The following ADCY5 variants were observed in gnomAD, a reference collection of about 807,000 sequenced individuals.
ADCY5 encodes adenylate cyclase 5, also known as adenylate cyclase type 5.
In ADCY5, 30 loss-of-function variants were observed where a neutral mutation model predicts 119.7. The ratio of observed to expected loss-of-function variants is 0.25; its 90% confidence interval spans 0.19 to 0.34. The LOEUF is 0.34. ADCY5 is among the 10% of genes least tolerant of loss of function. The pLI, the probability that ADCY5 is intolerant of heterozygous loss-of-function variation, is 1.00. For synonymous variants in ADCY5, 753 were observed against 762.2 expected, an observed-to-expected ratio of 0.99 and a Z score of 0.20; for missense variants, 1,324 against 1,775.2, an observed-to-expected ratio of 0.75 and a Z score of 4.57.
intron 1 of ADCY5, among the ~76,000 whole-genome samples, chr3:123,435,833 C>A (rs1008049525): frequency 3.3e-5 from 5 of 149,826 alleles, no homozygotes; most frequent in Admixed American, 3.3e-4. Context: ...CCAGCCTGGG[C>A]AACCTGGCAA....
intron 1 of ADCY5, among the ~76,000 whole-genome samples, chr3:123,384,075 T>A (rs1218973729): frequency 6.6e-6 from 1 of 152,136 alleles, no homozygotes; most frequent in East Asian, 1.9e-4. Flanking sequence ...CCCGGGACAG[T>A]AATGACTGCT....
chr3:123,367,455 T>C lies in ADCY5; in HGVS notation c.1135-14874A>G, dbSNP rs562636939. ...GAGGTTTTGTGGGCTAGAAATTTAT[T>C]TATCCTCCAAGTGCAATCAAGTTGC... On this transcript the variant is annotated intron_variant, in intron 1 of 20. Transcript: ENST00000462833. Among the ~76,000 whole-genome samples, 5 of 152,268 alleles carry C rather than the reference T, an allele frequency of 3.3e-5. No individual in the cohort carries two copies. In the South Asian group the frequency reaches 1.0e-3, roughly 32 times the overall value.
intron 11 of ADCY5, among the ~76,000 whole-genome samples, chr3:123,316,441 T>C (rs764056195): frequency 2.0e-5 from 3 of 152,218 alleles, no homozygotes; most frequent in Non-Finnish European, 4.4e-5. Flanking sequence ...GATGAGTTAA[T>C]AGTATCATTT....
At chr3:123,442,245 T>C (rs1425203450) in intron 1 of ADCY5, among the ~76,000 whole-genome samples, 1 of 151,932 alleles carries the variant, frequency 6.6e-6, no homozygotes, top group African/African-American at 2.4e-5. Context: ...ACCACCAAGA[T>C]AAAGTTAACT....
intron 1 of ADCY5, among the ~76,000 whole-genome samples, chr3:123,357,268 T>C (rs1177401311): frequency 1.3e-5 from 2 of 151,926 alleles, no homozygotes; most frequent in South Asian, 2.1e-4. Context: ...AGGAGTCATA[T>C]CCAGGAGACT....
rs1298157961 is a variant in ADCY5 at position 123,368,753 on chromosome 3, A to G, written c.1135-16172T>C. Among the ~76,000 whole-genome samples, 9 of 38,150 alleles carry G rather than the reference A, an allele frequency of 2.4e-4. No individual in the cohort carries two copies. The East Asian group carries it at 3.2e-3, about 14-fold the overall frequency. The allele number at this position is 38,150 out of a possible 152,430, so 25.0% of individuals were successfully genotyped here. Reference sequence around the variant, plus strand: ...GGTGACAGAGCAAGACTGTGTCTCCAAAAAAAAAAAAAAAGGTACATAGGA... The same window carrying G: ...GGTGACAGAGCAAGACTGTGTCTCCGAAAAAAAAAAAAAAGGTACATAGGA... On this transcript the variant is annotated intron_variant, in intron 1 of 20. Transcript: ENST00000462833.
At position 123,297,370 on chromosome 3, in the gene ADCY5, G is replaced by C; in HGVS notation, c.2913C>G (p.Asn971Lys). ...CAACTCACCACTGGGAGGTCCCGTT[G>C]TTGAAGAAGTCTCTGTGAAGAGAGT... ...LVTANAIDFF[N>K]NGTSQCPEHA... Residue 971 changes from asparagine (N) to lysine (K), a missense_variant, in exon 16 of 21, where the codon AAC becomes AAG. This residue lies in a region of ADCY5 where 424 missense variants were observed against 546.8 expected (regional missense o/e 0.78). Coordinates refer to ENST00000462833, the MANE Select transcript of ADCY5 (RefSeq NM_183357.3). The C allele has an allele frequency of 6.2e-7, 1 of 1,614,036 alleles. No individual in the cohort carries two copies. The highest frequency in any genetic ancestry group is 8.5e-7 in the Non-Finnish European group (1 of 1,179,998).
chr3:123,367,721 C>A (rs1943496122), intron 1 of ADCY5, among the ~76,000 whole-genome samples: 1 of 152,144 alleles, frequency 6.6e-6, no homozygotes, highest in Admixed American at 6.5e-5. Flanking sequence ...TGGTTCCCAC[C>A]CTACACAGGT....
chr3:123,370,377 G>C (rs539770389), intron 1 of ADCY5, among the ~76,000 whole-genome samples: 1 of 152,162 alleles, frequency 6.6e-6, no homozygotes, highest in Non-Finnish European at 1.5e-5. Context: ...ACAGTCACTG[G>C]GCACATGGCT....
intron 1 of ADCY5, among the ~76,000 whole-genome samples, chr3:123,372,891 G>A (rs1363200050): frequency 1.3e-5 from 2 of 152,112 alleles, no homozygotes; most frequent in Admixed American, 1.3e-4. Flanking sequence ...TTAAAAGAAG[G>A]CCACAGCTAC....
chr3:123,419,930 C>T (rs969048921), intron 1 of ADCY5, among the ~76,000 whole-genome samples: 2 of 152,030 alleles, frequency 1.3e-5, no homozygotes, highest in African/African-American at 2.4e-5. Flanking sequence ...TGTAGACACC[C>T]CCCCACCCCT....
At chr3:123,406,284 C>G (rs534136190) in intron 1 of ADCY5, among the ~76,000 whole-genome samples, 76 of 152,358 alleles carry the variant, frequency 5.0e-4, no homozygotes, top group African/African-American at 1.8e-3. Flanking sequence ...ACAATAAAGG[C>G]TCTTGCCCAC....
intron 3 of ADCY5, among the ~76,000 whole-genome samples, chr3:123,342,649 T>C (rs11705759): frequency 1 from 151,965 of 152,314 alleles, 75,811 homozygotes; most frequent in Middle Eastern, 1. Context: ...AGGAGACAGC[T>C]TTCTCGCCCT....
intron 1 of ADCY5, among the ~76,000 whole-genome samples, chr3:123,387,755 C>T (rs368195299): frequency 3.9e-5 from 6 of 152,328 alleles, no homozygotes; most frequent in East Asian, 3.9e-4. Context: ...GCAGGCCAGG[C>T]ACTCTGCTAG....
intron 12 of ADCY5, among the ~76,000 whole-genome samples, chr3:123,307,891 C>T (rs190920470): frequency 1.6e-4 from 25 of 151,914 alleles, no homozygotes; most frequent in South Asian, 4.2e-4. Context: ...CATCCAGAGG[C>T]GAGGAGAAGA....
At chr3:123,396,793 GGC>G (rs1559860694) in intron 1 of ADCY5, among the ~76,000 whole-genome samples, 2 of 99,328 alleles carry the variant, frequency 2.0e-5, no homozygotes, top group South Asian at 3.4e-4. Flanking sequence ...CAGGCAGGCA[GGC>G]AGGCAGGCAG....
In ADCY5 at chr3:123,284,484, T is replaced by A. The variant is rs1304161822; in HGVS notation, c.*124A>T. ...GGCAGAAGCTGCTCTGGAGTCCAAG[T>A]GGAAAATCTCAGCAGCGCAGCCCTG... On this transcript the variant is annotated 3_prime_UTR_variant, in exon 21 of 21. Transcript: ENST00000462833. The A allele has an allele frequency of 2.8e-6, 4 of 1,449,858 alleles. No individual in the cohort carries two copies. The highest frequency in any genetic ancestry group is 2.5e-4 in the Middle Eastern group (1 of 3,982). 89.8% of individuals were successfully genotyped at this position (1,449,858 alleles called of 1,614,324 possible).
intron 1 of ADCY5, among the ~76,000 whole-genome samples, 176 bp downstream of exon 1, chr3:123,447,236 G>T (rs1559882319): frequency 6.6e-6 from 1 of 152,220 alleles, no homozygotes; most frequent in Non-Finnish European, 1.5e-5. Context: ...TTTTGTAAAT[G>T]AAGCCGCTGG....
At chr3:123,446,265 T>A (rs750260027) in intron 1 of ADCY5, among the ~76,000 whole-genome samples, 2 of 152,008 alleles carry the variant, frequency 1.3e-5, no homozygotes, top group Non-Finnish European at 2.9e-5. Flanking sequence ...CTCAAGAGGA[T>A]AAAAGTCTAA....
Sources: allele counts gnomAD v4.1 joint callset (sites outside exome capture counted in the v4.1 genomes callset), GRCh38; gene constraint gnomAD v4.1.1; regional missense constraint gnomAD v4.1.1; transcripts MANE v1.5; gene names NCBI Gene and HGNC (gene_info 2026-07-23, HGNC 2026-07-21).